Variants in WWOX observed in about 807,000 individuals in gnomAD.
WWOX encodes WW domain-containing oxidoreductase.
In WWOX, 69 loss-of-function variants were observed where a neutral mutation model predicts 46.2. The ratio of observed to expected loss-of-function variants is 1.49; its 90% confidence interval spans 1.23 to 1.82. The LOEUF is 1.82. Among genes scored for constraint, WWOX ranks in the 40% most tolerant of loss-of-function variants. The pLI, the probability that WWOX is intolerant of heterozygous loss-of-function variation, is 0.00. For missense variants in WWOX, 919 were observed against 542.6 expected, an observed-to-expected ratio of 1.69 and a Z score of -6.89; for synonymous variants, 359 against 202.6, an observed-to-expected ratio of 1.77 and a Z score of -6.56.
At position 78,283,096 on chromosome 16, in the gene WWOX, G is replaced by C. The variant is rs148361491; in HGVS notation, c.517-103764G>C. ...GCGGCGTGGACATAGCCTCTCAAGT[G>C]GGGCAGGAAGGGGTAGCTGTGAGAT... is the stretch of plus-strand genomic sequence containing the variant. On this transcript the variant is annotated intron_variant, in intron 5 of 8. Transcript: ENST00000566780. 1.7e-4 allele frequency among the ~76,000 whole-genome samples: 26 copies of C among 152,158 alleles called. No individual in the cohort carries two copies. In the East Asian group the frequency reaches 4.7e-3, roughly 27 times the overall value.
rs1031965973 is a variant in WWOX, at chr16:78,151,926, C to G, written c.410-12257C>G. On this transcript the variant is annotated intron_variant, in intron 4 of 8. Transcript: ENST00000566780. ...AACATGGAGGCCAGGCGCGGTGGCT[C>G]ACGCCTGTAATCCCAGCACTTTGGG... Among the ~76,000 whole-genome samples the G allele has an allele frequency of 5.9e-5, 9 of 152,162 alleles. 1 individual carries two copies. The highest frequency in any genetic ancestry group is 1.3e-4 in the Non-Finnish European group (9 of 68,042).
intron 8 of WWOX, among the ~76,000 whole-genome samples, chr16:78,629,201 A>C (rs189376455): frequency 6.6e-5 from 10 of 150,888 alleles, no homozygotes; most frequent in Non-Finnish European, 8.8e-5. Flanking sequence ...CATTTTAAAG[A>C]CTCTGAAAAC....
chr16:78,913,970 A>G (rs534109753), intron 8 of WWOX, among the ~76,000 whole-genome samples: 2 of 151,958 alleles, frequency 1.3e-5, no homozygotes, highest in African/African-American at 4.8e-5. Context: ...CCATACTGCT[A>G]TTCCAGACAA....
At chr16:78,707,410 C>T (rs1172571833) in intron 8 of WWOX, among the ~76,000 whole-genome samples, 1 of 152,184 alleles carries the variant, frequency 6.6e-6, no homozygotes, top group Non-Finnish European at 1.5e-5. Flanking sequence ...AGCATTGCTC[C>T]TTTTTATGCA....
intron 8 of WWOX, among the ~76,000 whole-genome samples, chr16:78,843,749 T>C (rs147135739): frequency 1.3e-5 from 2 of 152,216 alleles, no homozygotes; most frequent in African/African-American, 2.4e-5. Flanking sequence ...GCATAACTGT[T>C]GCATCAAATA....
chr16:78,760,988 C>G (rs867331933), intron 8 of WWOX, among the ~76,000 whole-genome samples: 16 of 152,124 alleles, frequency 1.1e-4, no homozygotes, highest in African/African-American at 3.9e-4. Flanking sequence ...GACTTATTCA[C>G]TATCATGAGC....
intron 5 of WWOX, among the ~76,000 whole-genome samples, chr16:78,185,787 C>T (rs984814830): frequency 6.6e-6 from 1 of 152,310 alleles, no homozygotes; most frequent in East Asian, 1.9e-4. Flanking sequence ...CCGTCTCAGC[C>T]TCCAGAGTAG....
rs567892769 is a variant in WWOX, at chr16:78,808,471, C to G, written c.1056+375719C>G. ...TAAAGTGTTATTGAATCCATACTAA[C>G]CTGATCATTACATATTTACTAATTG... On this transcript the variant is annotated intron_variant, in intron 8 of 8. Coordinates refer to ENST00000566780, the MANE Select transcript of WWOX (RefSeq NM_016373.4). Among the ~76,000 whole-genome samples the G allele has an allele frequency of 1.9e-3, 284 of 152,254 alleles. 1 individual carries two copies. Among genetic ancestry groups the G allele is most frequent in the African/African-American group, 6.5e-3 (271 of 41,544 alleles).
intron 8 of WWOX, among the ~76,000 whole-genome samples, chr16:78,681,861 T>C (rs1184548051): frequency 6.6e-6 from 1 of 152,210 alleles, no homozygotes; most frequent in Admixed American, 6.5e-5. Flanking sequence ...GCTGGAGAGC[T>C]GGTTAGAAAA....
chr16:78,733,747 TC>T (rs1357339583), intron 8 of WWOX, among the ~76,000 whole-genome samples: 3 of 150,570 alleles, frequency 2.0e-5, no homozygotes, highest in African/African-American at 7.3e-5. Context: ...AGAGTGAGAA[TC>T]CGTCTCAAAA....
At chr16:78,714,342 G>A (rs1350591420) in intron 8 of WWOX, among the ~76,000 whole-genome samples, 1 of 152,030 alleles carries the variant, frequency 6.6e-6, no homozygotes, top group Non-Finnish European at 1.5e-5. Context: ...ATGGTGGCAG[G>A]CAAGAGAGCC....
chr16:78,787,487 G>T (rs539261767), intron 8 of WWOX, among the ~76,000 whole-genome samples: 2 of 152,272 alleles, frequency 1.3e-5, no homozygotes, highest in South Asian at 4.2e-4. Context: ...GTTGTAGAAT[G>T]TATCAGTACT....
At chr16:78,648,023 C>A (rs2046883367) in intron 8 of WWOX, among the ~76,000 whole-genome samples, 1 of 152,194 alleles carries the variant, frequency 6.6e-6, no homozygotes, top group Non-Finnish European at 1.5e-5. Context: ...GCTTCTTGAA[C>A]CCTCCCTATC....
intron 8 of WWOX, among the ~76,000 whole-genome samples, chr16:78,724,487 T>C (rs2048776895): frequency 6.6e-6 from 1 of 152,176 alleles, no homozygotes; most frequent in Non-Finnish European, 1.5e-5. Context: ...TTATAATAAA[T>C]GTTTACGGTT....
At chr16:78,108,512 C>G (rs1054960035) in intron 2 of WWOX, 25 bp downstream of exon 2, 34 of 1,612,416 alleles carry the variant, frequency 2.1e-5, no homozygotes, top group Non-Finnish European at 2.7e-5. Flanking sequence ...GTCTAAGGAT[C>G]TTGGATGGAA....
At chr16:78,408,387 C>A (rs953984960) in intron 6 of WWOX, among the ~76,000 whole-genome samples, 2 of 152,146 alleles carry the variant, frequency 1.3e-5, no homozygotes, top group African/African-American at 4.8e-5. Context: ...CCACATGGGG[C>A]AACTTTACTG....
At chr16:78,808,497 A>T (rs2051101758) in intron 8 of WWOX, among the ~76,000 whole-genome samples, 1 of 152,196 alleles carries the variant, frequency 6.6e-6, no homozygotes, top group Admixed American at 6.5e-5. Flanking sequence ...TTACTAATTG[A>T]TGATTACTAA....
chr16:78,825,674 C>A, intron 8 of WWOX: 1 of 529,406 alleles, frequency 1.9e-6, no homozygotes, highest in Non-Finnish European at 3.7e-6. Flanking sequence ...GGGCCATAGG[C>A]TGCCAAGCTG....
intron 8 of WWOX, among the ~76,000 whole-genome samples, chr16:78,913,890 G>C (rs905983505): frequency 1.3e-5 from 2 of 151,844 alleles, no homozygotes; most frequent in African/African-American, 2.4e-5. Context: ...CAAAGTCCTG[G>C]CCTCAAGTGA....
Sources: allele counts gnomAD v4.1 joint callset (sites outside exome capture counted in the v4.1 genomes callset), GRCh38; gene constraint gnomAD v4.1.1; transcripts MANE v1.5; gene names NCBI Gene and HGNC (gene_info 2026-07-23, HGNC 2026-07-21).